Variants in REEP1 observed in about 807,000 individuals in gnomAD.
The protein encoded by REEP1 is receptor accessory protein 1.
Under a neutral mutation model 40.3 loss-of-function variants are expected in REEP1, and 22 were observed. The ratio of observed to expected loss-of-function variants is 0.55; its 90% confidence interval spans 0.39 to 0.78. REEP1 has a LOEUF of 0.78. REEP1 is among the 30% of genes least tolerant of loss of function. REEP1 has a pLI of 0.00. For synonymous variants in REEP1, 116 were observed against 139.2 expected (o/e 0.83, Z 1.17); for missense variants, 280 against 361.1 (o/e 0.78, Z 1.82).
chr2:86,232,159 G>A lies in REEP1; in HGVS notation c.595+466C>T, dbSNP rs559788795. On this transcript the variant is annotated intron_variant, in intron 6 of 8. Coordinates refer to ENST00000538924, the MANE Select transcript of REEP1 (RefSeq NM_001371279.1). The stretch of plus-strand genomic sequence containing the variant: ...AGAGATGAGAAGGAGACAGCAGAGT[G>A]AGAGAGAGGACAGGCAATATTCAGG... 2.6e-4 allele frequency among the ~76,000 whole-genome samples: 39 copies of A among 152,286 alleles called. 1 individual carries two copies. The highest frequency in any genetic ancestry group is 9.4e-4 in the African/African-American group (39 of 41,550).
chr2:86,230,125 C>T (rs978070272), intron 6 of REEP1, among the ~76,000 whole-genome samples: 21 of 152,234 alleles, frequency 1.4e-4, no homozygotes, highest in African/African-American at 4.6e-4. Context: ...ACACTCCCCA[C>T]TGCCTCCCTG....
intron 1 of REEP1, among the ~76,000 whole-genome samples, chr2:86,334,508 C>T (rs962473919): frequency 1.3e-5 from 2 of 152,258 alleles, no homozygotes; most frequent in South Asian, 4.2e-4. Context: ...GACTAAAAAT[C>T]CAGAGCCTGT....
At chr2:86,303,974 G>A (rs1679371640) in intron 1 of REEP1, among the ~76,000 whole-genome samples, 2 of 152,066 alleles carry the variant, frequency 1.3e-5, no homozygotes, top group Admixed American at 1.3e-4. Flanking sequence ...TGGCTAGGCT[G>A]GTGACTGAAA....
At chr2:86,217,716 A>G (rs1186397354) in intron 8 of REEP1, among the ~76,000 whole-genome samples, 2 of 141,948 alleles carry the variant, frequency 1.4e-5, no homozygotes, top group East Asian at 2.3e-4. Flanking sequence ...ATACATTCCA[A>G]TTGAGCACCC....
chr2:86,217,354 C>A lies in REEP1; in HGVS notation c.784-244G>T, dbSNP rs79806009. Among the ~76,000 whole-genome samples, 710 of 152,294 alleles carry A rather than the reference C, an allele frequency of 4.7e-3. 12 individuals carry two copies. Among genetic ancestry groups the A allele is most frequent in the African/African-American group, 0.017 (688 of 41,546 alleles). ...CCTCTTAAATTATGCTCCTCAATCT[C>A]CCAAGGGAACGGTTGTGCAGAATGA... On this transcript the variant is annotated intron_variant, in intron 8 of 8. Coordinates refer to ENST00000538924, the MANE Select transcript of REEP1 (RefSeq NM_001371279.1).
At chr2:86,260,344 A>C (rs1676791895) in intron 3 of REEP1, among the ~76,000 whole-genome samples, 1 of 152,100 alleles carries the variant, frequency 6.6e-6, no homozygotes, top group Admixed American at 6.5e-5. Context: ...CAGCTAAGAG[A>C]CCAAATAAGG....
chr2:86,270,350 C>T (rs1431872766), intron 2 of REEP1, among the ~76,000 whole-genome samples: 1 of 152,160 alleles, frequency 6.6e-6, no homozygotes, highest in Admixed American at 6.5e-5. Flanking sequence ...GCATGCGCCA[C>T]CACGCCTGGC....
At chr2:86,285,045 G>T (rs527268519) in intron 1 of REEP1, among the ~76,000 whole-genome samples, 1 of 152,310 alleles carries the variant, frequency 6.6e-6, no homozygotes, top group East Asian at 1.9e-4. Context: ...AGCCAAAAGG[G>T]CTTGGTACTT....
intron 1 of REEP1, among the ~76,000 whole-genome samples, chr2:86,332,322 C>T (rs1043283034): frequency 6.6e-6 from 1 of 151,978 alleles, no homozygotes; most frequent in Admixed American, 6.6e-5. Flanking sequence ...ATTCTGGTAA[C>T]CAGCTGGGCA....
intron 3 of REEP1, among the ~76,000 whole-genome samples, chr2:86,260,136 T>G (rs1428193039): frequency 6.6e-6 from 1 of 151,998 alleles, no homozygotes; most frequent in Non-Finnish European, 1.5e-5. Context: ...GAGAGGACCC[T>G]CCCAGAAGAA....
chr2:86,282,794 A>C (rs1271409213), intron 1 of REEP1, among the ~76,000 whole-genome samples: 2 of 152,152 alleles, frequency 1.3e-5, no homozygotes, highest in Non-Finnish European at 1.5e-5. Context: ...TAAGATGAAG[A>C]AGCAAAAATA....
intron 8 of REEP1, among the ~76,000 whole-genome samples, chr2:86,217,382 CAT>C (rs1341479269): frequency 6.6e-6 from 1 of 152,182 alleles, no homozygotes; most frequent in African/African-American, 2.4e-5. Flanking sequence ...CAGAATGACA[CAT>C]CTTTCTTGTT....
At chr2:86,228,240 G>A (rs1188994017) in intron 6 of REEP1, among the ~76,000 whole-genome samples, 1 of 152,194 alleles carries the variant, frequency 6.6e-6, no homozygotes, top group East Asian at 1.9e-4. Flanking sequence ...TGGTGAGTAT[G>A]TTGGGTAGGC....
At chr2:86,233,896 TGGGGGACA>T (rs1260549483) in intron 5 of REEP1, among the ~76,000 whole-genome samples, 3 of 151,898 alleles carry the variant, frequency 2.0e-5, no homozygotes, top group African/African-American at 7.3e-5. Flanking sequence ...CCCAGAGATC[TGGGGGACA>T]GGGGGACAAT....
intron 2 of REEP1, among the ~76,000 whole-genome samples, chr2:86,264,798 C>T (rs896483784): frequency 6.6e-6 from 1 of 152,140 alleles, no homozygotes; most frequent in Admixed American, 6.5e-5. Flanking sequence ...TTTGAAGGCC[C>T]TGGAGAGCAA....
intron 5 of REEP1, among the ~76,000 whole-genome samples, chr2:86,234,390 TGTCTGTA>T (rs1222529455): frequency 1.3e-5 from 2 of 152,020 alleles, no homozygotes; most frequent in African/African-American, 4.8e-5. Context: ...TGGTGGTATA[TGTCTGTA>T]GTTCCGGCTA....
At chr2:86,327,894 G>C (rs1296040340) in intron 1 of REEP1, among the ~76,000 whole-genome samples, 1 of 152,066 alleles carries the variant, frequency 6.6e-6, no homozygotes, top group Non-Finnish European at 1.5e-5. Context: ...GAGATCACCG[G>C]AGGGACAGGA....
rs1467445959 is a variant in REEP1, at chr2:86,313,255, C to T, written c.32+24224G>A. Among the ~76,000 whole-genome samples the T allele has an allele frequency of 5.9e-5, 9 of 151,576 alleles. No individual in the cohort carries two copies. The South Asian group carries it at 1.0e-3, about 18-fold the overall frequency. ...CTCCCTACACCCTGAGTAGCTGGGA[C>T]TACAGGCATGTACCACCATGCCTGG... On this transcript the variant is annotated intron_variant, in intron 1 of 8. Transcript: ENST00000538924.
intron 1 of REEP1, among the ~76,000 whole-genome samples, chr2:86,311,958 T>G (rs1385404249): frequency 6.6e-6 from 1 of 152,118 alleles, no homozygotes; most frequent in African/African-American, 2.4e-5. Flanking sequence ...CTTCTAAAAT[T>G]CCTTCTGATT....
Sources: gnomAD v4.1 joint callset for allele counts (sites outside exome capture counted in the v4.1 genomes callset) on GRCh38, gnomAD v4.1.1 for gene constraint, MANE v1.5 for transcripts, NCBI Gene and HGNC (gene_info 2026-07-23, HGNC 2026-07-21) for gene names.